The following AGBL1 variants were observed in gnomAD, a reference collection of about 807,000 sequenced individuals.
The protein encoded by AGBL1 is cytosolic carboxypeptidase 4.
Under a neutral mutation model 118.9 loss-of-function variants are expected in AGBL1, and 130 were observed. The ratio of observed to expected loss-of-function variants is 1.09; its 90% CI spans 0.95 to 1.26. The LOEUF (loss-of-function observed/expected upper bound fraction) is 1.26, where lower values mean the gene tolerates loss of function less well. AGBL1 is among the 50% of genes most tolerant of loss of function. The pLI is 0.00. For missense variants in AGBL1, 1,584 were observed against 1,298.1 expected (o/e 1.22, Z -3.38); for synonymous variants, 555 against 478.9 (o/e 1.16, Z -2.08).
intron 13 of AGBL1, among the ~76,000 whole-genome samples, chr15:86,267,460 A>G (rs1250474837): frequency 6.6e-6 from 1 of 152,170 alleles, no homozygotes; most frequent in Non-Finnish European, 1.5e-5. Context: ...GTTGAAGGGA[A>G]GGGTACATGG....
chr15:86,269,478 A>G (rs887598538), intron 13 of AGBL1, among the ~76,000 whole-genome samples: 1 of 152,242 alleles, frequency 6.6e-6, no homozygotes, highest in Non-Finnish European at 1.5e-5. Flanking sequence ...ATAGTTTAAT[A>G]AAAAGGTGTG....
chr15:86,527,905 T>C (rs1490415821), intron 19 of AGBL1, among the ~76,000 whole-genome samples: 3 of 152,178 alleles, frequency 2.0e-5, no homozygotes, highest in African/African-American at 7.2e-5. Flanking sequence ...CTCATCCATA[T>C]ATCTGTCCAT....
chr15:86,626,298 A>G (rs1376644259), intron 21 of AGBL1, among the ~76,000 whole-genome samples: 2 of 152,230 alleles, frequency 1.3e-5, no homozygotes, highest in Admixed American at 6.5e-5. Flanking sequence ...AAAATGTGGT[A>G]TATATACACC....
intron 15 of AGBL1, 46 bp from the exon 16 acceptor site, chr15:86,279,592 CT>C (rs747957702): frequency 3.2e-6 from 5 of 1,584,798 alleles, no homozygotes; most frequent in African/African-American, 2.7e-5. Flanking sequence ...CTGCACCCCC[CT>C]CCCACCTCTC....
At chr15:86,376,877 G>A (rs1202795160) in intron 17 of AGBL1, among the ~76,000 whole-genome samples, 1 of 152,204 alleles carries the variant, frequency 6.6e-6, no homozygotes, top group Non-Finnish European at 1.5e-5. Context: ...TTATCTTTGG[G>A]TAAAGTTGAT....
rs117919241 is a variant in AGBL1 at position 86,976,903 on chromosome 15, T to C, written c.3222-11084T>C. Among the ~76,000 whole-genome samples the C allele has an allele frequency of 8.2e-4, 125 of 152,146 alleles. 2 individuals are homozygous for C. In the East Asian group the frequency reaches 0.023, roughly 28 times the overall value. The stretch of plus-strand genomic sequence containing the variant: ...TCCTCACTCAAGTTGTTTGTCTTCT[T>C]AGTGATTTATAAATGTCTTCATATA... On this transcript the variant is annotated intron_variant, in intron 23 of 24. Coordinates refer to the AGBL1 transcript ENST00000441037.
chr15:86,925,107 A>C (rs2080517972), intron 23 of AGBL1, among the ~76,000 whole-genome samples: 1 of 64,206 alleles, frequency 1.6e-5, no homozygotes, highest in East Asian at 5.4e-4. Flanking sequence ...GTCAAGAAGA[A>C]GAAGAAGAAG....
intron 17 of AGBL1, among the ~76,000 whole-genome samples, chr15:86,332,804 A>G (rs1383884901): frequency 1.3e-5 from 2 of 152,170 alleles, no homozygotes; most frequent in South Asian, 2.1e-4. Flanking sequence ...ATGCTCAGCC[A>G]TAAAGCAAGT....
intron 21 of AGBL1, among the ~76,000 whole-genome samples, chr15:86,622,024 A>G (rs1337327604): frequency 6.6e-6 from 1 of 152,170 alleles, no homozygotes; most frequent in Non-Finnish European, 1.5e-5. Context: ...ACAAAGATGA[A>G]AACTTTGATA....
chr15:86,649,214 G>A (rs572530877), intron 21 of AGBL1, among the ~76,000 whole-genome samples: 44 of 152,260 alleles, frequency 2.9e-4, no homozygotes, highest in Non-Finnish European at 6.3e-4. Context: ...CAGGAGAAAG[G>A]CAGAGTATAT....
At chr15:86,404,072 C>CT (rs2081487895) in intron 18 of AGBL1, among the ~76,000 whole-genome samples, 1 of 152,168 alleles carries the variant, frequency 6.6e-6, no homozygotes, top group African/African-American at 2.4e-5. Context: ...TCTATCAGGT[C>CT]TTCCCAACCT....
chr15:86,382,216 T>C lies in AGBL1; in HGVS notation c.2375-15150T>C, dbSNP rs560922870. On this transcript the variant is annotated intron_variant, in intron 17 of 22. Coordinates refer to ENST00000614907, the MANE Select transcript of AGBL1 (RefSeq NM_001386094.1). ...GTTGACACATCTTTAAGCCATTGTC[T>C]CAGGCCACTGCTGGTATGCCACACA... Among the ~76,000 whole-genome samples, 6 of 152,316 alleles carry C rather than the reference T, an allele frequency of 3.9e-5. No homozygotes were observed. In the South Asian group the frequency reaches 1.2e-3, roughly 32 times the overall value.
intron 18 of AGBL1, among the ~76,000 whole-genome samples, chr15:86,492,526 G>A (rs2082795361): frequency 6.6e-6 from 1 of 151,278 alleles, no homozygotes; most frequent in South Asian, 2.1e-4. Context: ...GGAGGCGGAG[G>A]TTGCAGTGAG....
chr15:86,425,268 T>C (rs1190763051), intron 18 of AGBL1, among the ~76,000 whole-genome samples: 1 of 151,988 alleles, frequency 6.6e-6, no homozygotes, highest in Non-Finnish European at 1.5e-5. Flanking sequence ...AAACCATCTT[T>C]CTCAGCAAAC....
At chr15:86,388,042 G>A (rs1181074947) in intron 17 of AGBL1, among the ~76,000 whole-genome samples, 1 of 152,074 alleles carries the variant, frequency 6.6e-6, no homozygotes, top group Non-Finnish European at 1.5e-5. Flanking sequence ...CAAATGGTTT[G>A]GAAATGATAA....
chr15:86,439,819 C>G (rs1339137591), intron 18 of AGBL1, among the ~76,000 whole-genome samples: 1 of 152,192 alleles, frequency 6.6e-6, no homozygotes, highest in Non-Finnish European at 1.5e-5. Flanking sequence ...CTCAGTCGCT[C>G]AAACAGCCCA....
chr15:86,790,969 G>A (rs2078485202), intron 22 of AGBL1, among the ~76,000 whole-genome samples: 1 of 152,138 alleles, frequency 6.6e-6, no homozygotes, highest in Non-Finnish European at 1.5e-5. Flanking sequence ...CCATGTAGCA[G>A]ATGACAGGAA....
Position 86,673,226 on chromosome 15 carries a change from CTG to C in AGBL1, c.2995-1044_2995-1043del, listed in dbSNP as rs760919877. Among the ~76,000 whole-genome samples the C allele has an allele frequency of 6.2e-4, 94 of 152,248 alleles. 2 individuals carry two copies. The highest frequency in any genetic ancestry group is 2.0e-4 in the Admixed American group (3 of 15,292). On this transcript the variant is annotated intron_variant, in intron 21 of 22. Transcript: ENST00000614907. ...GAGCTAATTTTGATCAATATTATGA[CTG>C]TGAAATATTCCTTATCACCAGATGC...
chr15:86,875,064 TA>T (rs1399751633), intron 22 of AGBL1, among the ~76,000 whole-genome samples: 1 of 152,144 alleles, frequency 6.6e-6, no homozygotes, highest in Non-Finnish European at 1.5e-5. Context: ...TTAGAGGAGC[TA>T]AAAAATACAG....
Sources: allele counts gnomAD v4.1 joint callset (sites outside exome capture counted in the v4.1 genomes callset), GRCh38; gene constraint gnomAD v4.1.1; transcripts MANE v1.5; gene names NCBI Gene and HGNC (gene_info 2026-07-23, HGNC 2026-07-21).